The following IQCH variants were observed in gnomAD, a reference collection of about 807,000 sequenced individuals.
IQCH encodes the protein IQ motif containing H, also known as IQ domain-containing protein H.
Under a neutral mutation model 117.0 loss-of-function variants are expected in IQCH, and 98 were observed. The ratio of observed to expected loss-of-function variants is 0.84; its 90% CI spans 0.71 to 0.99. The LOEUF (loss-of-function observed/expected upper bound fraction) is 0.99. IQCH is among the 50% of genes least tolerant of loss of function. IQCH has a pLI of 0.00. For synonymous variants in IQCH, 412 were observed against 448.2 expected (o/e 0.92, Z 1.02); for missense variants, 1,102 against 1,243.8 (o/e 0.89, Z 1.72).
At position 67,401,600 on chromosome 15, in the gene IQCH, G is replaced by C. The variant is rs559688893; in HGVS notation, c.2097+1295G>C. ...AACCACATTATTCTTGGAAAGTGGA[G>C]TGATGAATAAATCTATTGAACAGTC... On this transcript the variant is annotated intron_variant, in intron 14 of 20. Transcript: ENST00000335894. The surrounding 1 kb of genome is among the most constrained non-coding windows in gnomAD (Gnocchi z 4.7). 9.2e-5 allele frequency among the ~76,000 whole-genome samples: 14 copies of C among 152,314 alleles called. No homozygotes were observed. Among genetic ancestry groups the C allele is most frequent in the Admixed American group, 1.3e-4 (2 of 15,300 alleles).
intron 20 of IQCH, among the ~76,000 whole-genome samples, chr15:67,498,644 C>A (rs1018109728): frequency 1.3e-5 from 2 of 150,008 alleles, no homozygotes; most frequent in Non-Finnish European, 3.0e-5. Context: ...TAAAATGGAT[C>A]AAATATTTAA....
At chr15:67,435,527 T>G (rs533572546) in intron 16 of IQCH, among the ~76,000 whole-genome samples, 2 of 151,996 alleles carry the variant, frequency 1.3e-5, no homozygotes, top group Non-Finnish European at 2.9e-5. Flanking sequence ...GAGGTTGCAG[T>G]GAGCCAAGAC....
chr15:67,418,513 C>CCCCACACA (rs1555489464), intron 15 of IQCH, among the ~76,000 whole-genome samples: 5 of 114,092 alleles, frequency 4.4e-5, no homozygotes, highest in African/African-American at 1.7e-4. Flanking sequence ...CAAGTGGCTA[C>CCCCACACA]CACACACACA....
intron 16 of IQCH, among the ~76,000 whole-genome samples, chr15:67,423,041 G>T (rs2081789624): frequency 6.6e-6 from 1 of 152,204 alleles, no homozygotes; most frequent in African/African-American, 2.4e-5. Flanking sequence ...TTTTTTGGCA[G>T]TTTTCAGCTT....
intron 4 of IQCH, among the ~76,000 whole-genome samples, chr15:67,298,460 A>G (rs1690959860): frequency 6.6e-6 from 1 of 152,200 alleles, no homozygotes; most frequent in South Asian, 2.1e-4. Flanking sequence ...ATCTAAAGAC[A>G]GGCAATAACA....
At position 67,395,015 on chromosome 15, in the gene IQCH, C is replaced by T. The variant is rs746087722; in HGVS notation, c.1633-276C>T. On this transcript the variant is annotated intron_variant, in intron 12 of 20. Transcript: ENST00000335894. This position sits in a 1 kb window ranked among gnomAD's most constrained non-coding sequence, Gnocchi z 4.0. ...ACCCAAAGGCCGCCAGCCTCTTTTC[C>T]TTCTGACAGAAGGATAATTCCACGT... Among the ~76,000 whole-genome samples, 135 of 152,146 alleles carry T rather than the reference C, an allele frequency of 8.9e-4. No homozygotes were observed. The highest frequency in any genetic ancestry group is 1.1e-3 in the Non-Finnish European group (72 of 68,048).
At chr15:67,363,600 A>G (rs892256374) in intron 8 of IQCH, among the ~76,000 whole-genome samples, 1 of 152,104 alleles carries the variant, frequency 6.6e-6, no homozygotes, top group Non-Finnish European at 1.5e-5. Context: ...GATTTGTTAC[A>G]TAGGTATTAA....
chr15:67,500,806 T>A lies in IQCH; in HGVS notation c.*60T>A. 1.2e-6 allele frequency: 1 copy of A among 839,248 alleles called. No homozygotes were observed. The highest frequency in any genetic ancestry group is 3.6e-4 in the Middle Eastern group (1 of 2,794). The allele number at this position is 839,248 out of a possible 1,614,324, so 52.0% of individuals were successfully genotyped here. A position where few individuals can be genotyped will look rare whatever the true frequency, so the allele number is the denominator to read the frequency against. On this transcript the variant is annotated 3_prime_UTR_variant, in exon 21 of 21. Transcript: ENST00000335894. The surrounding 1 kb of genome is among the most constrained non-coding windows in gnomAD (Gnocchi z 4.4). ...GTCTGGAATAAAAAGGGCAATTTTT[T>A]TTTCTGTTAGAAATAAAAGCCAGGG...
At chr15:67,361,417 A>G (rs1374093469) in intron 8 of IQCH, among the ~76,000 whole-genome samples, 1 of 152,242 alleles carries the variant, frequency 6.6e-6, no homozygotes, top group Non-Finnish European at 1.5e-5. Flanking sequence ...AGTAAATGAC[A>G]GAGCCAACAT....
rs1965057955 is a variant in IQCH, at chr15:67,254,879, C to G, written c.-18C>G. 1 of 1,612,396 alleles carries G rather than the reference C, an allele frequency of 6.2e-7. No homozygotes were observed. Among genetic ancestry groups the G allele is most frequent in the Non-Finnish European group, 8.5e-7 (1 of 1,179,070 alleles). ...GGAAACCGCGCCTCCGCGGAGGTAG[C>G]CGTTCCCTGACCTAGCCATGGCACA... On this transcript the variant is annotated 5_prime_UTR_variant, in exon 1 of 21. Transcript: ENST00000335894.
Position 67,479,634 on chromosome 15 carries a change from C to T in IQCH, c.2799+3816C>T, listed in dbSNP as rs904846466. ...AATTAATTTCCCTAAAATTTTATTG[C>T]CTGTTTGGGTTATGCTGAGTCTAAA... is the stretch of plus-strand genomic sequence containing the variant. On this transcript the variant is annotated intron_variant, in intron 18 of 20. Coordinates refer to ENST00000335894, the MANE Select transcript of IQCH (RefSeq NM_001031715.3). This position sits in a 1 kb window ranked among gnomAD's most constrained non-coding sequence, Gnocchi z 4.6. 8.5e-5 allele frequency among the ~76,000 whole-genome samples: 13 copies of T among 152,262 alleles called. No individual in the cohort carries two copies. In the East Asian group the frequency reaches 2.3e-3, roughly 27 times the overall value.
At chr15:67,263,574 C>G (rs1345614104) in intron 3 of IQCH, among the ~76,000 whole-genome samples, 1 of 152,070 alleles carries the variant, frequency 6.6e-6, no homozygotes, top group African/African-American at 2.4e-5. Flanking sequence ...TGCTTGACAC[C>G]ATAATAATTA....
At chr15:67,358,139 A>T (rs1035870638) in intron 7 of IQCH, among the ~76,000 whole-genome samples, 1 of 133,884 alleles carries the variant, frequency 7.5e-6, no homozygotes, top group African/African-American at 2.8e-5. Flanking sequence ...GATTATAGGC[A>T]TGAGCCACCA....
intron 3 of IQCH, among the ~76,000 whole-genome samples, chr15:67,274,659 G>A (rs891772215): frequency 1.3e-5 from 2 of 151,968 alleles, no homozygotes; most frequent in African/African-American, 4.8e-5. Flanking sequence ...GTCAGTCACT[G>A]GTTCCTTGCT....
At chr15:67,497,767 G>A (rs2083861919) in intron 20 of IQCH, among the ~76,000 whole-genome samples, 1 of 152,182 alleles carries the variant, frequency 6.6e-6, no homozygotes, top group African/African-American at 2.4e-5. Context: ...TGGGATTACA[G>A]CCGTGAACCA....
intron 4 of IQCH, among the ~76,000 whole-genome samples, chr15:67,288,552 G>T (rs1444848694): frequency 6.6e-6 from 1 of 151,868 alleles, no homozygotes; most frequent in Non-Finnish European, 1.5e-5. Context: ...ATTTTGTCTG[G>T]TATAGCTACT....
intron 4 of IQCH, chr15:67,304,220 A>G (rs1967191209): frequency 1.8e-6 from 1 of 546,888 alleles, no homozygotes; most frequent in African/African-American, 1.9e-5. Flanking sequence ...ATTTTTTTCC[A>G]GTGAGAATTT....
At chr15:67,321,911 C>T (rs1968152226) in intron 4 of IQCH, among the ~76,000 whole-genome samples, 1 of 152,140 alleles carries the variant, frequency 6.6e-6, no homozygotes, top group Non-Finnish European at 1.5e-5. Context: ...GTGAATGTTA[C>T]ATGTGCATTT....
chr15:67,357,915 A>G (rs1235982174), intron 7 of IQCH, among the ~76,000 whole-genome samples: 2 of 151,980 alleles, frequency 1.3e-5, no homozygotes, highest in Non-Finnish European at 2.9e-5. Context: ...GCTGGAGTGC[A>G]GTGCACTATG....
Sources: gnomAD v4.1 joint callset for allele counts (sites outside exome capture counted in the v4.1 genomes callset) on GRCh38, gnomAD v4.1.1 for gene constraint, Gnocchi (gnomAD v3.1) non-coding constraint, MANE v1.5 for transcripts, NCBI Gene and HGNC (gene_info 2026-07-23, HGNC 2026-07-21) for gene names.